Variants in DNAH11 observed in about 807,000 individuals in gnomAD.
The protein encoded by DNAH11 is axonemal beta dynein heavy chain 11.
Under a neutral mutation model 526.0 loss-of-function variants are expected in DNAH11, and 442 were observed. The ratio of observed to expected loss-of-function variants is 0.84; its 90% CI spans 0.78 to 0.91. The LOEUF is 0.91. Among genes scored for constraint, DNAH11 ranks in the 40% least tolerant of loss-of-function variants. The probability of loss-of-function intolerance (pLI) is 0.00; values close to 1 mark genes in which losing one functional copy is unlikely to be tolerated. For synonymous variants in DNAH11, 2,461 were observed against 1,935.9 expected (o/e 1.27, Z -7.12); for missense variants, 6,989 against 5,448.7 (o/e 1.28, Z -8.90).
intron 55 of DNAH11, among the ~76,000 whole-genome samples, chr7:21,767,620 T>C (rs1331742154): frequency 6.6e-6 from 1 of 152,200 alleles, no homozygotes; most frequent in African/African-American, 2.4e-5. Context: ...GAATTGTGCC[T>C]CAAAACAAAT....
At chr7:21,687,017 CTTTTTT>C in intron 32 of DNAH11, 76 bp from the exon 33 acceptor site, 1 of 1,374,110 alleles carries the variant, frequency 7.3e-7, no homozygotes. Flanking sequence ...GCTTCTTAAA[CTTTTTT>C]TCTAATGTAT....
rs757315956 is a variant in DNAH11, at chr7:21,738,835, C to G, written c.7780C>G (p.Leu2594Val). The G allele has an allele frequency of 6.2e-6, 10 of 1,603,928 alleles. No individual in the cohort carries two copies. The highest frequency in any genetic ancestry group is 7.7e-6 in the Non-Finnish European group (9 of 1,175,718). ...ATATGGCACCGTTCAGCCTCACACC[C>G]TGATCCGGCAGCATATTGATTATGG... ...DLYGTVQPHTLIRQHIDYGHW... is the reference protein window; with the variant it reads ...DLYGTVQPHTVIRQHIDYGHW... The change falls in exon 47 of 82, where the codon CTG becomes GTG. Residue 2594 changes from leucine to valine, a missense_variant. Coordinates refer to ENST00000409508, the MANE Select transcript of DNAH11 (RefSeq NM_001277115.2).
At chr7:21,654,268 A>G (rs978190456) in intron 28 of DNAH11, among the ~76,000 whole-genome samples, 1 of 152,192 alleles carries the variant, frequency 6.6e-6, no homozygotes, top group African/African-American at 2.4e-5. Flanking sequence ...AGCAGCCGCC[A>G]ATCTGCTGTC....
intron 7 of DNAH11, 128 bp from the exon 8 acceptor site, chr7:21,571,678 T>C (rs991558082): frequency 7.5e-6 from 5 of 668,426 alleles, no homozygotes; most frequent in African/African-American, 5.5e-5. Context: ...CATGAAAATA[T>C]TTATTTTCTG....
intron 65 of DNAH11, among the ~76,000 whole-genome samples, chr7:21,832,022 A>C (rs1017520823): frequency 1.6e-4 from 24 of 152,168 alleles, no homozygotes; most frequent in African/African-American, 5.5e-4. Flanking sequence ...CCCGGGAGGC[A>C]GAGCTTGCAG....
intron 30 of DNAH11, among the ~76,000 whole-genome samples, chr7:21,680,570 A>G (rs571781378): frequency 3.3e-4 from 51 of 152,368 alleles, no homozygotes; most frequent in African/African-American, 1.1e-3. Context: ...GAAATAAAAC[A>G]GCATGAAACA....
chr7:21,823,238 G>A (rs1423648766), intron 65 of DNAH11, among the ~76,000 whole-genome samples: 1 of 151,702 alleles, frequency 6.6e-6, no homozygotes, highest in Non-Finnish European at 1.5e-5. Flanking sequence ...CTTTTGATAG[G>A]GTTTTTATGA....
At chr7:21,557,869 A>C (rs59509802) in intron 2 of DNAH11, among the ~76,000 whole-genome samples, 28,589 of 152,074 alleles carry the variant, frequency 0.19, 2,867 homozygotes, top group East Asian at 0.23. Flanking sequence ...TACTGAGCTC[A>C]CTGAGGGCAG....
chr7:21,570,324 T>C, intron 7 of DNAH11, 25 bp downstream of exon 7: 1 of 1,572,962 alleles, frequency 6.4e-7, no homozygotes, highest in Non-Finnish European at 8.6e-7. Flanking sequence ...ATTTTATTTA[T>C]TCATGTTGAA....
Position 21,901,657 on chromosome 7 carries a change from C to T in DNAH11, c.*403C>T, listed in dbSNP as rs1296841980. On this transcript the variant is annotated 3_prime_UTR_variant, in exon 82 of 82. Transcript: ENST00000409508. Reference sequence around the variant, plus strand: ...AAAGAACGGAGATTTTAATTTTTAACAAACAACAAATTAAATTATTAGCCC... The same window carrying T: ...AAAGAACGGAGATTTTAATTTTTAATAAACAACAAATTAAATTATTAGCCC... 6.4e-6 allele frequency: 1 copy of T among 157,096 alleles called. No homozygotes were observed. Among genetic ancestry groups the T allele is most frequent in the Non-Finnish European group, 1.4e-5 (1 of 71,396 alleles). 9.7% of individuals were successfully genotyped at this position (157,096 alleles called of 1,614,324 possible).
intron 54 of DNAH11, among the ~76,000 whole-genome samples, chr7:21,762,291 A>C (rs1226846945): frequency 6.6e-6 from 1 of 152,240 alleles, no homozygotes; most frequent in Non-Finnish European, 1.5e-5. Context: ...AATATGGTTC[A>C]GATACAGTAT....
chr7:21,676,151 T>C (rs1562746934), intron 30 of DNAH11, among the ~76,000 whole-genome samples: 1 of 152,200 alleles, frequency 6.6e-6, no homozygotes, highest in Non-Finnish European at 1.5e-5. Context: ...GATTTTACTC[T>C]AAGTTGGGCT....
In DNAH11 at chr7:21,720,872, GTT is replaced by G. The variant is rs774822687; in HGVS notation, c.7266+18_7266+19del. 4 of 1,608,782 alleles carry G rather than the reference GTT, an allele frequency of 2.5e-6. No individual in the cohort carries two copies. The highest frequency in any genetic ancestry group is 1.7e-5 in the Admixed American group (1 of 59,610). ...ACAAGATCAGGTATGTTTAGAAATAGTTTACAGGACCAGTTTCCAGTTTTGTG... is the reference window on the plus strand; with the variant it reads ...ACAAGATCAGGTATGTTTAGAAATAGTACAGGACCAGTTTCCAGTTTTGTG... On this transcript the variant is annotated intron_variant, in intron 44 of 81. Coordinates refer to ENST00000409508, the MANE Select transcript of DNAH11 (RefSeq NM_001277115.2).
At chr7:21,890,915 CAAAAT>C (rs1784304179) in intron 76 of DNAH11, among the ~76,000 whole-genome samples, 1 of 151,908 alleles carries the variant, frequency 6.6e-6, no homozygotes, top group African/African-American at 2.4e-5. Flanking sequence ...CCTCCCGGTA[CAAAAT>C]AAAAATAAAA....
chr7:21,545,224 T>C lies in DNAH11; in HGVS notation c.495+75T>C, dbSNP rs189521070. ...TTGAAATTATTTAGGACAACTCCGA[T>C]AATTAAAAAAAGAAGAGCTAGGAGG... On this transcript the variant is annotated intron_variant, in intron 2 of 81. Transcript: ENST00000409508. 9.4e-5 allele frequency: 111 copies of C among 1,179,154 alleles called. 1 individual carries two copies. Among genetic ancestry groups the C allele is most frequent in the Admixed American group, 9.1e-4 (19 of 20,984 alleles). The allele number at this position is 1,179,154 out of a possible 1,614,324, so 73.0% of individuals were successfully genotyped here.
At chr7:21,797,834 A>C (rs1442063978) in intron 61 of DNAH11, among the ~76,000 whole-genome samples, 2 of 152,166 alleles carry the variant, frequency 1.3e-5, no homozygotes, top group Non-Finnish European at 2.9e-5. Flanking sequence ...AATGAAAAAA[A>C]GGAACCAAAG....
chr7:21,555,250 G>A (rs920058247), intron 2 of DNAH11, among the ~76,000 whole-genome samples: 2 of 152,142 alleles, frequency 1.3e-5, no homozygotes, highest in African/African-American at 4.8e-5. Context: ...TTACGAATGG[G>A]GTCTTTAGGC....
At chr7:21,900,379 T>C (rs1448832854) in intron 81 of DNAH11, among the ~76,000 whole-genome samples, 1 of 102,312 alleles carries the variant, frequency 9.8e-6, no homozygotes, top group Non-Finnish European at 2.5e-5. Context: ...ATAACATCAT[T>C]AGACTTAGAC....
chr7:21,703,896 T>A (rs1158162917), intron 37 of DNAH11: 5 of 152,236 alleles, frequency 3.3e-5, no homozygotes, highest in Non-Finnish European at 7.3e-5. Context: ...AGGTCAAGAT[T>A]TTCTTTCATT....
Sources: allele counts gnomAD v4.1 joint callset (sites outside exome capture counted in the v4.1 genomes callset), GRCh38; gene constraint gnomAD v4.1.1; transcripts MANE v1.5; gene names NCBI Gene and HGNC (gene_info 2026-07-23, HGNC 2026-07-21).